CHAT: variants seen among roughly 807,000 people sequenced by gnomAD.
CHAT encodes the protein choline O-acetyltransferase, also known as acetyl CoA:choline O-acetyltransferase.
CHAT carries 61 observed loss-of-function variants against 76.9 expected under a neutral mutation model. The observed-to-expected ratio is 0.79, with a 90% confidence interval of 0.65 to 0.98. CHAT has a LOEUF of 0.98. Among genes scored for constraint, CHAT ranks in the 50% least tolerant of loss-of-function variants. CHAT has a pLI of 0.00. For synonymous variants in CHAT, 407 were observed against 397.4 expected (o/e 1.02, Z -0.29); for missense variants, 946 against 986.9 (o/e 0.96, Z 0.56).
chr10:49,652,923 C>T (rs1266129521), intron 11 of CHAT, among the ~76,000 whole-genome samples: 1 of 152,078 alleles, frequency 6.6e-6, no homozygotes, highest in Non-Finnish European at 1.5e-5. Context: ...CCTTTCCCCA[C>T]CCCCTTATCT....
chr10:49,614,542 T>C, intron 1 of CHAT, 67 bp downstream of exon 1: 1 of 1,327,490 alleles, frequency 7.5e-7, no homozygotes, highest in Non-Finnish European at 1.0e-6. Context: ...GGTCGGGGGC[T>C]CTATCCAGGG....
rs772471664 is a variant in CHAT, at chr10:49,649,431, T to C, written c.1383-77T>C. The C allele has an allele frequency of 3.1e-6, 5 of 1,605,226 alleles. No homozygotes were observed. The South Asian group carries it at 4.4e-5, about 14-fold the overall frequency. On this transcript the variant is annotated intron_variant, in intron 9 of 14. Transcript: ENST00000337653. ...CCGCAAACACTGACAGCTAAGATGA[T>C]TGCACAGAGCAAAGAAGAGATGCCT...
chr10:49,653,625 G>A (rs574674256), intron 11 of CHAT, among the ~76,000 whole-genome samples: 2 of 152,198 alleles, frequency 1.3e-5, no homozygotes, highest in Non-Finnish European at 2.9e-5. Context: ...GGGGAAGGCC[G>A]ATGTCATCCC....
At chr10:49,630,361 C>T (rs1839074367) in intron 7 of CHAT, among the ~76,000 whole-genome samples, 2 of 146,620 alleles carry the variant, frequency 1.4e-5, no homozygotes, top group Non-Finnish European at 1.5e-5. Context: ...AACGGCCAGC[C>T]ACATGGAATG....
chr10:49,611,826 TG>T (rs745998892), upstream of CHAT: 2 of 1,604,098 alleles, frequency 1.2e-6, no homozygotes, highest in Non-Finnish European at 1.7e-6. Flanking sequence ...ACGGCGCGCT[TG>T]GGCTGGCTGT....
chr10:49,629,264 G>A (rs549273461), intron 7 of CHAT, among the ~76,000 whole-genome samples: 4 of 152,314 alleles, frequency 2.6e-5, no homozygotes, highest in African/African-American at 9.6e-5. Flanking sequence ...AGAGTGAAGG[G>A]TGATTAAAAA....
At chr10:49,611,315 C>T (rs769023740), upstream of CHAT, 4 of 1,605,826 alleles carry the variant, frequency 2.5e-6, no homozygotes, top group Admixed American at 3.3e-5. Context: ...TCAGCCTTCG[C>T]CGACACGTCT....
rs1346667703 is a variant in CHAT, at chr10:49,666,780, C to A, written c.*1734C>A. Among the ~76,000 whole-genome samples the A allele has an allele frequency of 2.6e-5, 4 of 152,224 alleles. No homozygotes were observed. The highest frequency in any genetic ancestry group is 7.2e-5 in the African/African-American group (3 of 41,444). ...AAGTCATTGGCCTGAGATTTATGCT[C>A]CTTCCCTCCCACGGCCACCTTCCTA... On this transcript the variant is annotated 3_prime_UTR_variant, in exon 15 of 15. Transcript: ENST00000337653.
At chr10:49,611,451 G>T (rs1838293304), upstream of CHAT, 2 of 1,598,392 alleles carry the variant, frequency 1.3e-6, no homozygotes, top group Admixed American at 1.7e-5. Context: ...TCCTCTATGA[G>T]TTCGCCGGCA....
chr10:49,662,569 T>C (rs1293058102), intron 13 of CHAT, 76 bp from the exon 14 acceptor site: 2 of 1,584,314 alleles, frequency 1.3e-6, no homozygotes. Context: ...AGCAGTCCTG[T>C]AGACTACAGA....
chr10:49,662,471 G>A (rs1456519670), intron 13 of CHAT, among the ~76,000 whole-genome samples, 174 bp from the exon 14 acceptor site: 2 of 152,236 alleles, frequency 1.3e-5, no homozygotes, highest in East Asian at 3.9e-4. Context: ...GAGGCCGCAT[G>A]GTAGAGCGGT....
At position 49,664,929 on chromosome 10, in the gene CHAT, T is replaced by C; in HGVS notation, c.2130T>C (p.Ala710=). ...CTTCTTCTAGCAAGTTTGCAAAAGC[T>C]GTGGAAGAAAGCCTCATTGACATGA... ...KETSSSKFAK[A]VEESLIDMRD... The change falls in exon 15 of 15, where the codon GCT becomes GCC. Residue 710 remains alanine (A), a synonymous_variant. Transcript: ENST00000337653. 6.2e-7 allele frequency: 1 copy of C among 1,614,240 alleles called. No individual in the cohort carries two copies. Among genetic ancestry groups the C allele is most frequent in the South Asian group, 1.1e-5 (1 of 91,086 alleles).
intron 2 of CHAT, among the ~76,000 whole-genome samples, chr10:49,617,174 C>CCCCTTT (rs1838528763): frequency 7.0e-6 from 1 of 143,440 alleles, no homozygotes; most frequent in Admixed American, 6.8e-5. Flanking sequence ...CACTCCTCTT[C>CCCCTTT]CCCCTTCCCC....
At chr10:49,662,872 G>A in intron 14 of CHAT, 90 bp downstream of exon 14, 1 of 1,491,870 alleles carries the variant, frequency 6.7e-7, no homozygotes, top group Non-Finnish European at 9.4e-7. Context: ...CTGGAATCAG[G>A]CAAATCCTGC....
intron 8 of CHAT, chr10:49,648,021 C>T (rs141001788): frequency 1.6e-4 from 23 of 141,686 alleles, no homozygotes; most frequent in East Asian, 3.6e-4. Flanking sequence ...ACACTGGGGG[C>T]GGGAGGGGAG....
intron 7 of CHAT, among the ~76,000 whole-genome samples, chr10:49,634,079 T>C (rs541543604): frequency 3.3e-5 from 5 of 152,186 alleles, no homozygotes; most frequent in Non-Finnish European, 7.3e-5. Context: ...TCCCGAGCTC[T>C]CAAGACTGAA....
chr10:49,651,101 G>A (rs1839861647), intron 10 of CHAT, among the ~76,000 whole-genome samples: 1 of 152,092 alleles, frequency 6.6e-6, no homozygotes. Flanking sequence ...ATACAAGTGG[G>A]TGAGGCCCGA....
In CHAT at chr10:49,614,112, C is replaced by G. The variant is rs986155946; in HGVS notation, c.-78C>G. The G allele has an allele frequency of 2.3e-5, 35 of 1,543,586 alleles. No individual in the cohort carries two copies. The highest frequency in any genetic ancestry group is 1.5e-4 in the African/African-American group (11 of 72,534). ...CCTTCTAGAGCCTAAATTTGTTGCC[C>G]GAGTTCCTCCGGGAAGCGCTCCGGG... On this transcript the variant is annotated 5_prime_UTR_variant, in exon 1 of 15. Coordinates refer to ENST00000337653, the MANE Select transcript of CHAT (RefSeq NM_020549.5).
chr10:49,634,403 C>T (rs1315252330), intron 7 of CHAT, among the ~76,000 whole-genome samples: 1 of 152,232 alleles, frequency 6.6e-6, no homozygotes. Flanking sequence ...GATGCTTTGC[C>T]CAATGCCCAC....
Sources: allele counts gnomAD v4.1 joint callset (sites outside exome capture counted in the v4.1 genomes callset), GRCh38; gene constraint gnomAD v4.1.1; transcripts MANE v1.5; gene names NCBI Gene and HGNC (gene_info 2026-07-23, HGNC 2026-07-21).